The following RSRC1 variants were observed in gnomAD, a reference collection of about 807,000 sequenced individuals.
RSRC1 encodes the protein arginine and serine rich coiled-coil 1, also known as serine/Arginine-related protein 53.
Under a neutral mutation model 49.1 loss-of-function variants are expected in RSRC1, and 39 were observed. That is an observed-to-expected ratio of 0.79 (90% CI 0.61 to 1.04). The LOEUF (loss-of-function observed/expected upper bound fraction) is 1.04, where lower values mean the gene tolerates loss of function less well. Among genes scored for constraint, RSRC1 ranks in the 50% least tolerant of loss-of-function variants. RSRC1 has a pLI of 0.00. For synonymous variants in RSRC1, 143 were observed against 130.8 expected (o/e 1.09, Z -0.63); for missense variants, 388 against 402.4 (o/e 0.96, Z 0.31).
chr3:158,194,334 AAAAGG>A (rs1319403666), intron 3 of RSRC1, among the ~76,000 whole-genome samples: 1 of 151,836 alleles, frequency 6.6e-6, no homozygotes, highest in Non-Finnish European at 1.5e-5. Context: ...AAAGAAAAGA[AAAAGG>A]AAAGGAAAGG....
chr3:158,489,671 T>C (rs761759604), intron 7 of RSRC1, among the ~76,000 whole-genome samples: 1 of 152,150 alleles, frequency 6.6e-6, no homozygotes, highest in Non-Finnish European at 1.5e-5. Flanking sequence ...ATAAAAGATA[T>C]TTATGTAAAA....
At chr3:158,262,360 T>C (rs1477167255) in intron 4 of RSRC1, among the ~76,000 whole-genome samples, 2 of 152,196 alleles carry the variant, frequency 1.3e-5, no homozygotes, top group African/African-American at 2.4e-5. Flanking sequence ...AAATTTAGTA[T>C]TTTATGCATC....
intron 4 of RSRC1, among the ~76,000 whole-genome samples, chr3:158,229,197 T>C (rs1241204332): frequency 2.0e-5 from 2 of 98,888 alleles, no homozygotes; most frequent in South Asian, 2.9e-4. Context: ...AACATACATA[T>C]ATGTGTATAT....
At chr3:158,536,646 G>A (rs1311259848) in intron 7 of RSRC1, among the ~76,000 whole-genome samples, 3 of 151,274 alleles carry the variant, frequency 2.0e-5, no homozygotes, top group Non-Finnish European at 4.4e-5. Context: ...GGATAAAATG[G>A]TGTGATGCCT....
At chr3:158,462,223 G>T (rs886863730) in intron 7 of RSRC1, among the ~76,000 whole-genome samples, 1 of 151,730 alleles carries the variant, frequency 6.6e-6, no homozygotes, top group South Asian at 2.1e-4. Flanking sequence ...CCTTCTTTTG[G>T]ATCTCTTGGC....
intron 4 of RSRC1, among the ~76,000 whole-genome samples, chr3:158,231,152 T>C (rs1227527834): frequency 6.9e-6 from 1 of 145,208 alleles, no homozygotes; most frequent in Non-Finnish European, 1.5e-5. Flanking sequence ...TTTTTTTTTT[T>C]TTTTTTTTTT....
At chr3:158,422,374 T>C (rs1735121437) in intron 6 of RSRC1, among the ~76,000 whole-genome samples, 3 of 151,644 alleles carry the variant, frequency 2.0e-5, no homozygotes, top group African/African-American at 7.3e-5. Context: ...TGATTTCCAA[T>C]TTCATCCATG....
intron 3 of RSRC1, among the ~76,000 whole-genome samples, chr3:158,184,275 G>T: frequency 1.0e-5 from 1 of 100,500 alleles, no homozygotes; most frequent in African/African-American, 3.6e-5. Flanking sequence ...CCTATTATAT[G>T]GTTTATGAAA....
intron 6 of RSRC1, among the ~76,000 whole-genome samples, chr3:158,414,547 A>G (rs1456863658): frequency 1.3e-5 from 2 of 152,090 alleles, no homozygotes; most frequent in Non-Finnish European, 2.9e-5. Flanking sequence ...GTATTCCAGA[A>G]CTTAGAATTA....
intron 3 of RSRC1, among the ~76,000 whole-genome samples, chr3:158,175,263 C>G (rs1029844633): frequency 1.3e-5 from 2 of 151,918 alleles, no homozygotes; most frequent in African/African-American, 4.8e-5. Flanking sequence ...TTCTTCCATT[C>G]TGTGGCTTAC....
intron 7 of RSRC1, among the ~76,000 whole-genome samples, chr3:158,468,773 TTCTC>T (rs1356969257): frequency 6.6e-6 from 1 of 152,156 alleles, no homozygotes; most frequent in African/African-American, 2.4e-5. Context: ...AAGTATGAGA[TTCTC>T]TTTCTTTCTT....
At chr3:158,369,748 A>G (rs1731966941) in intron 6 of RSRC1, among the ~76,000 whole-genome samples, 1 of 152,106 alleles carries the variant, frequency 6.6e-6, no homozygotes, top group African/African-American at 2.4e-5. Flanking sequence ...CAAAAAAGCC[A>G]AGACTTTGTT....
chr3:158,448,681 T>C (rs1032703838), intron 6 of RSRC1, among the ~76,000 whole-genome samples: 1 of 151,958 alleles, frequency 6.6e-6, no homozygotes, highest in Non-Finnish European at 1.5e-5. Flanking sequence ...CTGTTGGACA[T>C]ACTTAGTGTG....
At chr3:158,507,063 TAA>T (rs1185719683) in intron 7 of RSRC1, among the ~76,000 whole-genome samples, 19 of 151,998 alleles carry the variant, frequency 1.3e-4, no homozygotes, top group Admixed American at 7.2e-4. Flanking sequence ...CAGCCACAAA[TAA>T]AAGAGTGAAA....
intron 6 of RSRC1, among the ~76,000 whole-genome samples, chr3:158,457,368 A>G (rs1029731605): frequency 3.3e-5 from 5 of 152,174 alleles, no homozygotes; most frequent in African/African-American, 1.2e-4. Flanking sequence ...TCAATCTGAG[A>G]GATTAGTTGG....
chr3:158,437,514 C>T (rs979655231), intron 6 of RSRC1, among the ~76,000 whole-genome samples: 9 of 152,090 alleles, frequency 5.9e-5, no homozygotes, highest in East Asian at 3.9e-4. Flanking sequence ...TCAACATATG[C>T]AAATCAATAA....
At chr3:158,271,070 T>C (rs1482937596) in intron 4 of RSRC1, among the ~76,000 whole-genome samples, 1 of 152,158 alleles carries the variant, frequency 6.6e-6, no homozygotes, top group Non-Finnish European at 1.5e-5. Flanking sequence ...TTTAAGTATG[T>C]AGCCTTTGTA....
At chr3:158,339,298 C>CAAA (rs57120150) in intron 5 of RSRC1, among the ~76,000 whole-genome samples, 8 of 73,800 alleles carry the variant, frequency 1.1e-4, no homozygotes, top group African/African-American at 2.2e-4. Context: ...GACTCCGTCT[C>CAAA]AAAAAAAAAA....
chr3:158,544,455 T>C lies in RSRC1; in HGVS notation c.*180T>C, dbSNP rs1287236892. 7 of 398,958 alleles carry C rather than the reference T, an allele frequency of 1.8e-5. No homozygotes were observed. Among genetic ancestry groups the C allele is most frequent in the Non-Finnish European group, 3.1e-5 (7 of 224,978 alleles). The allele number at this position is 398,958 out of a possible 1,614,324, so 24.7% of individuals were successfully genotyped here. A position where few individuals can be genotyped will look rare whatever the true frequency, so the allele number is the denominator to read the frequency against. On this transcript the variant is annotated 3_prime_UTR_variant, in exon 10 of 10. Coordinates refer to ENST00000611884, the MANE Select transcript of RSRC1 (RefSeq NM_001271838.2). ...TTGTTAATTTGAATTAAATCAAACA[T>C]TGTAAAAATTAAAACAAAATTTAAG...
Sources: gnomAD v4.1 joint callset for allele counts (sites outside exome capture counted in the v4.1 genomes callset) on GRCh38, gnomAD v4.1.1 for gene constraint, MANE v1.5 for transcripts, NCBI Gene and HGNC (gene_info 2026-07-23, HGNC 2026-07-21) for gene names.